The following CACNA2D2 variants were observed in gnomAD, a reference collection of about 807,000 sequenced individuals.
The protein encoded by CACNA2D2 is calcium voltage-gated channel auxiliary subunit alpha2delta 2.
In CACNA2D2, 48 loss-of-function variants were observed where a neutral mutation model predicts 166.4. That is an observed-to-expected ratio of 0.29 (90% confidence interval 0.23 to 0.37). CACNA2D2 has a LOEUF of 0.37. CACNA2D2 is among the 10% of genes least tolerant of loss of function. CACNA2D2 has a pLI of 1.00. For missense variants in CACNA2D2, 1,122 were observed against 1,433.0 expected (o/e 0.78, Z 3.50); for synonymous variants, 561 against 573.7 (o/e 0.98, Z 0.32).
Position 50,427,497 on chromosome 3 carries a change from T to G in CACNA2D2, c.405+6816A>C, listed in dbSNP as rs1384218803. 2.0e-5 allele frequency among the ~76,000 whole-genome samples: 3 copies of G among 152,364 alleles called. No homozygotes were observed. The highest frequency in any genetic ancestry group is 4.8e-5 in the African/African-American group (2 of 41,592). ...GCGCCCACGCGTGCGCCTAATTGGC[T>G]CCACGTGTCTGCGGCTCCTTTCCAG... On this transcript the variant is annotated intron_variant, in intron 3 of 37. Coordinates refer to ENST00000424201, the MANE Select transcript of CACNA2D2 (RefSeq NM_006030.4). The surrounding 1 kb of genome is among the most constrained non-coding windows in gnomAD (Gnocchi z 4.7).
At chr3:50,450,235 G>T (rs1287312539) in intron 2 of CACNA2D2, among the ~76,000 whole-genome samples, 1 of 152,146 alleles carries the variant, frequency 6.6e-6, no homozygotes, top group African/African-American at 2.4e-5. Context: ...CAGCGGATCG[G>T]CCTGGCTCCC....
At chr3:50,387,195 C>T (rs1705650828) in intron 5 of CACNA2D2, among the ~76,000 whole-genome samples, 1 of 152,136 alleles carries the variant, frequency 6.6e-6, no homozygotes, top group East Asian at 1.9e-4. Flanking sequence ...TGGAAATGCA[C>T]CTGGACGTTC....
chr3:50,415,627 C>T (rs149284009), intron 3 of CACNA2D2, among the ~76,000 whole-genome samples: 2 of 152,362 alleles, frequency 1.3e-5, no homozygotes, highest in African/African-American at 4.8e-5. Context: ...TCCCACAGTG[C>T]CTGTGTGCCC....
intron 6 of CACNA2D2, 110 bp from the exon 7 acceptor site, chr3:50,381,236 C>A: frequency 1.5e-6 from 2 of 1,337,008 alleles, no homozygotes; most frequent in South Asian, 1.3e-5. Context: ...CAACTGTTCT[C>A]GGCCTATCCA....
At chr3:50,483,320 G>A (rs1326872777) in intron 1 of CACNA2D2, among the ~76,000 whole-genome samples, 5 of 152,226 alleles carry the variant, frequency 3.3e-5, no homozygotes, top group African/African-American at 9.7e-5. Context: ...TGGAGACCCT[G>A]AGGAGCTGGG....
At chr3:50,497,723 G>A (rs1698780982) in intron 1 of CACNA2D2, among the ~76,000 whole-genome samples, 1 of 152,164 alleles carries the variant, frequency 6.6e-6, no homozygotes, top group Non-Finnish European at 1.5e-5. Flanking sequence ...CTGCAAGCCA[G>A]CAGGGCCATC....
At chr3:50,439,672 A>G (rs1259498468) in intron 2 of CACNA2D2, among the ~76,000 whole-genome samples, 1 of 152,240 alleles carries the variant, frequency 6.6e-6, no homozygotes, top group African/African-American at 2.4e-5. Context: ...CTGAGGCCCA[A>G]CCCAAATAAA....
At chr3:50,414,043 C>T (rs1210053925) in intron 3 of CACNA2D2, among the ~76,000 whole-genome samples, 1 of 152,024 alleles carries the variant, frequency 6.6e-6, no homozygotes, top group Non-Finnish European at 1.5e-5. Flanking sequence ...CTCTGGCCAT[C>T]TGTCTTCCAA....
intron 2 of CACNA2D2, among the ~76,000 whole-genome samples, chr3:50,455,005 C>T (rs1372922994): frequency 6.6e-6 from 1 of 152,228 alleles, no homozygotes; most frequent in Non-Finnish European, 1.5e-5. Flanking sequence ...AAAAGAAAGG[C>T]TTCGGCCCTA....
In CACNA2D2 at chr3:50,366,593, G is replaced by A; in HGVS notation, c.2622C>T (p.Cys874=). The change falls in exon 30 of 38, where the codon TGC becomes TGT. Residue 874 remains cysteine (C), a synonymous_variant. Coordinates refer to ENST00000424201, the MANE Select transcript of CACNA2D2 (RefSeq NM_006030.4). This position sits in a 1 kb window ranked among gnomAD's most constrained non-coding sequence, Gnocchi z 5.9. The part of the protein sequence containing the change: ...CGPNSHCEMD[C]EVNNEDLLCV... The stretch of plus-strand genomic sequence containing the variant: ...GCACACACACCTCATTGTTAACCTC[G>A]CAGTCCATCTCACAGTGGCTGTTGG... 2 of 1,613,978 alleles carry A rather than the reference G, an allele frequency of 1.2e-6. No homozygotes were observed. The highest frequency in any genetic ancestry group is 1.7e-6 in the Non-Finnish European group (2 of 1,179,994).
rs970272039 is a variant in CACNA2D2, at chr3:50,376,361, G to A, written c.1627-173C>T. On this transcript the variant is annotated intron_variant, in intron 17 of 37. Transcript: ENST00000424201. This position sits in a 1 kb window ranked among gnomAD's most constrained non-coding sequence, Gnocchi z 4.3. ...TAAGCCTGTCTCTCCAGCCAGGCCC[G>A]CAGGCGGGTTGCCCCTTGTGCACCA... 5.9e-5 allele frequency among the ~76,000 whole-genome samples: 9 copies of A among 152,212 alleles called. No individual in the cohort carries two copies. The highest frequency in any genetic ancestry group is 1.4e-4 in the African/African-American group (6 of 41,526).
In CACNA2D2 at chr3:50,364,875, C is replaced by G. The variant is rs752517321; in HGVS notation, c.3291+13G>C. The G allele has an allele frequency of 1.9e-6, 3 of 1,613,408 alleles. No homozygotes were observed. The highest frequency in any genetic ancestry group is 2.5e-6 in the Non-Finnish European group (3 of 1,179,912). ...GGCCGCGGGATTTCGGGTCCACCGCCCCCTCTCCTCACTGTCGCGTTGTAG... is the reference window on the plus strand; with the variant it reads ...GGCCGCGGGATTTCGGGTCCACCGCGCCCTCTCCTCACTGTCGCGTTGTAG... On this transcript the variant is annotated intron_variant, in intron 37 of 37. Coordinates refer to ENST00000424201, the MANE Select transcript of CACNA2D2 (RefSeq NM_006030.4).
intron 1 of CACNA2D2, among the ~76,000 whole-genome samples, chr3:50,498,230 A>G (rs1698804112): frequency 6.6e-6 from 1 of 152,080 alleles, no homozygotes; most frequent in Non-Finnish European, 1.5e-5. Flanking sequence ...CCCCTTGGAG[A>G]GTTCCCTAGC....
At chr3:50,381,238 G>T (rs1705299078) in intron 6 of CACNA2D2, 112 bp from the exon 7 acceptor site, 1 of 1,241,958 alleles carries the variant, frequency 8.1e-7, no homozygotes, top group Non-Finnish European at 1.1e-6. Flanking sequence ...ACTGTTCTCG[G>T]CCTATCCAGG....
chr3:50,452,642 C>G (rs1709154798), intron 2 of CACNA2D2, among the ~76,000 whole-genome samples: 1 of 152,166 alleles, frequency 6.6e-6, no homozygotes, highest in South Asian at 2.1e-4. Context: ...AAAGACAAGG[C>G]AAGACTGAGT....
chr3:50,393,804 C>CG (rs1706006084), intron 4 of CACNA2D2, among the ~76,000 whole-genome samples: 1 of 152,202 alleles, frequency 6.6e-6, no homozygotes, highest in African/African-American at 2.4e-5. Context: ...GCCTCTGACC[C>CG]GGGGGCTCTC....
intron 3 of CACNA2D2, among the ~76,000 whole-genome samples, chr3:50,412,422 C>T (rs1259920945): frequency 6.6e-6 from 1 of 152,214 alleles, no homozygotes; most frequent in East Asian, 1.9e-4. Flanking sequence ...CCAAATTAAC[C>T]TCCCCCAATT....
intron 2 of CACNA2D2, among the ~76,000 whole-genome samples, chr3:50,450,194 A>T (rs1303169463): frequency 6.6e-6 from 1 of 152,200 alleles, no homozygotes; most frequent in Non-Finnish European, 1.5e-5. Context: ...CAGGACATCT[A>T]AAATGGGGCA....
At chr3:50,468,720 T>G (rs1709939875) in intron 2 of CACNA2D2, among the ~76,000 whole-genome samples, 1 of 151,962 alleles carries the variant, frequency 6.6e-6, no homozygotes, top group Non-Finnish European at 1.5e-5. Context: ...CCTCAGCCAC[T>G]CTATTTTCTT....
Sources: gnomAD v4.1 joint callset for allele counts (sites outside exome capture counted in the v4.1 genomes callset) on GRCh38, gnomAD v4.1.1 for gene constraint, Gnocchi (gnomAD v3.1) non-coding constraint, MANE v1.5 for transcripts, NCBI Gene and HGNC (gene_info 2026-07-23, HGNC 2026-07-21) for gene names.